CNTNAP2: variants seen among roughly 807,000 people sequenced by gnomAD.
CNTNAP2 encodes contactin-associated protein-like 2.
In CNTNAP2, 98 loss-of-function variants were observed where a neutral mutation model predicts 155.2. The ratio of observed to expected loss-of-function variants is 0.63; its 90% confidence interval spans 0.54 to 0.75. The LOEUF is 0.75. Ranked by LOEUF, CNTNAP2 falls within the 30% of genes least tolerant of loss-of-function variation. CNTNAP2 has a pLI of 0.00. For missense variants in CNTNAP2, 1,727 were observed against 1,688.1 expected (o/e 1.02, Z -0.40); for synonymous variants, 651 against 631.2 (o/e 1.03, Z -0.47).
chr7:148,076,450 T>TTTTTTTTTTTTTC (rs1803488118), intron 15 of CNTNAP2, among the ~76,000 whole-genome samples: 1 of 140,104 alleles, frequency 7.1e-6, no homozygotes, highest in Non-Finnish European at 1.6e-5. Flanking sequence ...TTTTTTTTTT[T>TTTTTTTTTTTTTC]TTTGAGACAG....
chr7:146,824,650 T>C lies in CNTNAP2; in HGVS notation c.209-15061T>C, dbSNP rs1803364729. ...TCTCTAATGACCAGCGATCATGAGC[T>C]TTTTTTCATATGACAAAAATATCTT... On this transcript the variant is annotated intron_variant, in intron 2 of 23. Coordinates refer to ENST00000361727, the MANE Select transcript of CNTNAP2 (RefSeq NM_014141.6). Among the ~76,000 whole-genome samples, 4 of 152,126 alleles carry C rather than the reference T, an allele frequency of 2.6e-5. No homozygotes were observed. In the South Asian group the frequency reaches 8.3e-4, roughly 32 times the overall value.
At chr7:148,387,059 A>G (rs1044034860) in intron 22 of CNTNAP2, among the ~76,000 whole-genome samples, 1 of 152,152 alleles carries the variant, frequency 6.6e-6, no homozygotes, top group African/African-American at 2.4e-5. Flanking sequence ...TTTCTTGATC[A>G]TCTTCCTGGG....
intron 16 of CNTNAP2, among the ~76,000 whole-genome samples, chr7:148,136,241 C>T (rs564863875): frequency 6.6e-6 from 1 of 152,178 alleles, no homozygotes; most frequent in East Asian, 1.9e-4. Context: ...ATTTGTCCCT[C>T]CAAATTTCAT....
Position 147,602,916 on chromosome 7 carries a change from T to A in CNTNAP2, c.1898-36190T>A, listed in dbSNP as rs556095823. ...GTTGGACATTTGGGTTGGTTCCAAG[T>A]CTTTGCTATTGTGAATAGTGCTGCA... On this transcript the variant is annotated intron_variant, in intron 12 of 23. Transcript: ENST00000361727. Among the ~76,000 whole-genome samples, 518 of 152,234 alleles carry A rather than the reference T, an allele frequency of 3.4e-3. 5 individuals are homozygous for A. The highest frequency in any genetic ancestry group is 0.012 in the African/African-American group (479 of 41,544).
chr7:146,385,489 C>T (rs1795447493), intron 1 of CNTNAP2, among the ~76,000 whole-genome samples: 2 of 152,156 alleles, frequency 1.3e-5, no homozygotes, highest in African/African-American at 4.8e-5. Flanking sequence ...ATAGTTAATT[C>T]ACGTCATGCC....
chr7:147,965,667 G>T (rs1284928045), intron 14 of CNTNAP2, among the ~76,000 whole-genome samples: 3 of 151,670 alleles, frequency 2.0e-5, no homozygotes, highest in Non-Finnish European at 4.4e-5. Flanking sequence ...TAATTCTTTT[G>T]GTTCCTTCAG....
intron 13 of CNTNAP2, among the ~76,000 whole-genome samples, chr7:147,807,992 A>AAT (rs1798120250): frequency 6.6e-6 from 1 of 150,554 alleles, no homozygotes; most frequent in African/African-American, 2.4e-5. Flanking sequence ...TTTTTAAAAA[A>AAT]AAAAAATAAA....
intron 3 of CNTNAP2, among the ~76,000 whole-genome samples, chr7:146,858,463 G>A (rs1182593423): frequency 3.3e-5 from 5 of 152,222 alleles, no homozygotes; most frequent in Admixed American, 3.3e-4. Context: ...GGAGGCCAAG[G>A]CGAGAGGATC....
Position 148,249,089 on chromosome 7 carries a change from A to T in CNTNAP2, c.3382-17944A>T, listed in dbSNP as rs138722720. Among the ~76,000 whole-genome samples the T allele has an allele frequency of 3.3e-3, 509 of 152,250 alleles. 7 individuals are homozygous for T. The highest frequency in any genetic ancestry group is 0.012 in the African/African-American group (480 of 41,528). On this transcript the variant is annotated intron_variant, in intron 20 of 23. Transcript: ENST00000361727. ...TTTGCCTTATTATTATGTTATAAGG[A>T]TTCTTTACGTATTCTGGATACAACT...
chr7:146,800,675 G>C (rs1802859529), intron 2 of CNTNAP2, among the ~76,000 whole-genome samples: 1 of 152,118 alleles, frequency 6.6e-6, no homozygotes, highest in Non-Finnish European at 1.5e-5. Context: ...AGTTGACAGG[G>C]GTGAACAGTA....
intron 1 of CNTNAP2, among the ~76,000 whole-genome samples, chr7:146,632,657 T>A (rs1799529132): frequency 6.6e-6 from 1 of 152,048 alleles, no homozygotes; most frequent in South Asian, 2.1e-4. Context: ...ATCCAAAACC[T>A]TTTGATCTGA....
chr7:148,294,027 G>A (rs992002554), intron 21 of CNTNAP2, among the ~76,000 whole-genome samples: 47 of 112,224 alleles, frequency 4.2e-4, no homozygotes, highest in East Asian at 5.3e-4. Context: ...GCAGCAGAGC[G>A]AGGCTCCATC....
chr7:147,054,721 T>C (rs1296484456), intron 4 of CNTNAP2, among the ~76,000 whole-genome samples: 1 of 152,156 alleles, frequency 6.6e-6, no homozygotes, highest in Non-Finnish European at 1.5e-5. Context: ...AGTAACAACA[T>C]AATAAAATAA....
At chr7:146,362,451 T>G (rs1795095516) in intron 1 of CNTNAP2, among the ~76,000 whole-genome samples, 1 of 152,130 alleles carries the variant, frequency 6.6e-6, no homozygotes, top group Non-Finnish European at 1.5e-5. Context: ...GAAGACACGC[T>G]TCATCCCGAA....
At chr7:146,851,837 T>C (rs772357035) in intron 3 of CNTNAP2, among the ~76,000 whole-genome samples, 2 of 151,812 alleles carry the variant, frequency 1.3e-5, no homozygotes, top group African/African-American at 4.9e-5. Flanking sequence ...CATGTCACCA[T>C]GCCCAGATAA....
chr7:146,237,575 G>T (rs1799494608), intron 1 of CNTNAP2, among the ~76,000 whole-genome samples: 2 of 152,194 alleles, frequency 1.3e-5, no homozygotes, highest in African/African-American at 4.8e-5. Context: ...CTTAGCAAGT[G>T]CCTAGAATAG....
chr7:146,305,878 G>A (rs1253843724), intron 1 of CNTNAP2, among the ~76,000 whole-genome samples: 6 of 151,908 alleles, frequency 3.9e-5, no homozygotes, highest in Non-Finnish European at 8.8e-5. Context: ...CTAGCAGAAG[G>A]CAAGAAATAA....
chr7:146,559,210 C>G (rs7781191), intron 1 of CNTNAP2, among the ~76,000 whole-genome samples: 118,684 of 151,886 alleles, frequency 0.78, 46,974 homozygotes, highest in South Asian at 0.91. Context: ...TGTATATATA[C>G]ATACACACAC....
chr7:147,070,231 A>G (rs922590829), intron 4 of CNTNAP2, among the ~76,000 whole-genome samples: 9 of 152,358 alleles, frequency 5.9e-5, no homozygotes, highest in African/African-American at 2.2e-4. Context: ...GAAATTAGGT[A>G]TATAGCATAG....
Sources: gnomAD v4.1 joint callset for allele counts (sites outside exome capture counted in the v4.1 genomes callset) on GRCh38, gnomAD v4.1.1 for gene constraint, MANE v1.5 for transcripts, NCBI Gene and HGNC (gene_info 2026-07-23, HGNC 2026-07-21) for gene names.